The following TM2D3 variants were observed in gnomAD, a reference collection of about 807,000 sequenced individuals.
The protein encoded by TM2D3 is TM2 domain containing 3, also known as TM2 domain-containing protein 3.
In TM2D3, 33 loss-of-function variants were observed where a neutral mutation model predicts 27.3. The ratio of observed to expected loss-of-function variants is 1.21; its 90% CI spans 0.92 to 1.61. The LOEUF (loss-of-function observed/expected upper bound fraction) is 1.61. Ranked by LOEUF, TM2D3 falls within the 40% of genes most tolerant of loss-of-function variation. The pLI is 0.00. For missense variants in TM2D3, 364 were observed against 320.8 expected (o/e 1.13, Z -1.03); for synonymous variants, 138 against 122.2 (o/e 1.13, Z -0.85).
intron 5 of TM2D3, among the ~76,000 whole-genome samples, chr15:101,643,868 G>T (rs955319832): frequency 6.7e-6 from 1 of 150,022 alleles, no homozygotes; most frequent in Non-Finnish European, 1.5e-5. Flanking sequence ...CTTTTTTTTT[G>T]AGACAGAATC....
rs1896977459 is a variant in TM2D3 at position 101,651,748 on chromosome 15, T to C, written c.117A>G (p.Ser39=). ...GGEQSQALAQ[S]IKDPGPTRTF... is the part of the protein sequence containing the mutation. ...TGCGTGTTGGGCCCGGATCCTTTATTGACTGAGCCAGCGCCTGCGATTGCT... is the reference window on the plus strand; with the variant it reads ...TGCGTGTTGGGCCCGGATCCTTTATCGACTGAGCCAGCGCCTGCGATTGCT... Residue 39 remains serine, a synonymous_variant, in exon 2 of 6, where the codon TCA becomes TCG. Transcript: ENST00000333202. 3 of 1,614,188 alleles carry C rather than the reference T, an allele frequency of 1.9e-6. No individual in the cohort carries two copies. The highest frequency in any genetic ancestry group is 2.5e-6 in the Non-Finnish European group (3 of 1,180,018).
downstream of TM2D3, among the ~76,000 whole-genome samples, chr15:101,638,214 C>T (rs950741349): frequency 2.0e-5 from 3 of 152,090 alleles, no homozygotes; most frequent in Non-Finnish European, 4.4e-5. Context: ...CTTTTCACTT[C>T]CCCCAGCAGT....
At chr15:101,644,473 C>A (rs1896752988) in intron 5 of TM2D3, among the ~76,000 whole-genome samples, 1 of 152,180 alleles carries the variant, frequency 6.6e-6, no homozygotes, top group African/African-American at 2.4e-5. Flanking sequence ...AAATCCTGCC[C>A]TATGGCTGCA....
downstream of TM2D3, among the ~76,000 whole-genome samples, chr15:101,640,297 T>C (rs925967602): frequency 5.3e-5 from 8 of 152,246 alleles, 1 homozygote; most frequent in South Asian, 1.0e-3. Context: ...AGTGCCCTTA[T>C]AGAAGAGGCC....
intron 5 of TM2D3, among the ~76,000 whole-genome samples, chr15:101,644,379 T>C (rs1239019764): frequency 1.3e-5 from 2 of 152,212 alleles, no homozygotes; most frequent in African/African-American, 4.8e-5. Context: ...AGGCCAGTGA[T>C]GCTGCTCAAC....
At chr15:101,644,145 C>CTA (rs1324016957) in intron 5 of TM2D3, among the ~76,000 whole-genome samples, 1 of 152,186 alleles carries the variant, frequency 6.6e-6, no homozygotes, top group Non-Finnish European at 1.5e-5. Context: ...CGCGCCCGCC[C>CTA]TATCTTATTT....
At chr15:101,645,368 G>A in intron 4 of TM2D3, 1 of 571,848 alleles carries the variant, frequency 1.7e-6, no homozygotes, top group Non-Finnish European at 3.1e-6. Flanking sequence ...ACAACGTGAG[G>A]AACATGAAAT....
intron 4 of TM2D3, 30 bp from the exon 5 acceptor site, chr15:101,645,192 G>A: frequency 6.5e-7 from 1 of 1,544,518 alleles, no homozygotes; most frequent in Non-Finnish European, 8.8e-7. Flanking sequence ...GAAAAATACA[G>A]GGTATAAAAA....
chr15:101,635,165 T>C (rs1184697259), intron 4 of TM2D3: 1 of 152,140 alleles, frequency 6.6e-6, no homozygotes, highest in Non-Finnish European at 1.5e-5. Flanking sequence ...GTCTCAATAA[T>C]AATAATATAA....
intron 3 of TM2D3, among the ~76,000 whole-genome samples, chr15:101,649,476 A>T (rs1285622482): frequency 6.6e-6 from 1 of 152,152 alleles, no homozygotes; most frequent in Non-Finnish European, 1.5e-5. Flanking sequence ...CATTTTTCAC[A>T]TTACATCTTT....
At chr15:101,638,131 G>A (rs968748000), downstream of TM2D3, among the ~76,000 whole-genome samples, 3 of 152,060 alleles carry the variant, frequency 2.0e-5, no homozygotes, top group African/African-American at 7.2e-5. Context: ...GGTTCAGCAG[G>A]GAACCCCTGA....
downstream of TM2D3, among the ~76,000 whole-genome samples, chr15:101,641,490 G>C (rs917730672): frequency 6.6e-6 from 1 of 152,190 alleles, no homozygotes; most frequent in Admixed American, 6.5e-5. Flanking sequence ...ATATTTTATA[G>C]CTTCTAGATA....
At chr15:101,638,251 C>CT (rs148844821), downstream of TM2D3, among the ~76,000 whole-genome samples, 5,489 of 152,038 alleles carry the variant, frequency 0.036, 339 homozygotes, top group African/African-American at 0.13. Flanking sequence ...AGATACCTCT[C>CT]TTTCTCCGAA....
Position 101,650,121 on chromosome 15 carries a change from G to A in TM2D3, c.210C>T (p.Ser70=). 3 of 1,614,048 alleles carry A rather than the reference G, an allele frequency of 1.9e-6. No individual in the cohort carries two copies. Among genetic ancestry groups the A allele is most frequent in the Non-Finnish European group, 2.5e-6 (3 of 1,179,958 alleles). The change falls in exon 3 of 6, where the codon AGC becomes AGT. Residue 70 remains serine (S), a synonymous_variant. Transcript: ENST00000333202. Reference sequence around the variant, plus strand: ...CAGGAAGCCTGCTACACAAACCATTGCTCGGACACTTCATCACATAAGGTG... The same window carrying A: ...CAGGAAGCCTGCTACACAAACCATTACTCGGACACTTCATCACATAAGGTG... The part of the protein sequence containing the change: ...EIPPYVMKCP[S]NGLCSRLPAD...
downstream of TM2D3, among the ~76,000 whole-genome samples, chr15:101,637,189 A>G (rs909552357): frequency 6.6e-6 from 1 of 152,204 alleles, no homozygotes; most frequent in East Asian, 1.9e-4. Flanking sequence ...TGAAAGTGTT[A>G]TTGTCTAAAG....
chr15:101,650,210 TA>T, intron 2 of TM2D3, 49 bp from the exon 3 acceptor site: 1 of 1,561,422 alleles, frequency 6.4e-7, no homozygotes, highest in South Asian at 1.1e-5. Context: ...CTGATTCGAA[TA>T]ACAGAGAACA....
rs755563830 is a variant in TM2D3, at chr15:101,646,830, C to T, written c.397G>A (p.Glu133Lys). ...MTCRFCWQLP[E>K]TDYECTNSTS... Reference sequence around the variant, plus strand: ...GAGTTGGTACACTCGTAATCTGTTTCAGGAAGCTGCCAGCAAAATCTGCAA... The same window carrying T: ...GAGTTGGTACACTCGTAATCTGTTTTAGGAAGCTGCCAGCAAAATCTGCAA... The change falls in exon 4 of 6, where the codon GAA (glutamate) becomes AAA (lysine). Residue 133 changes from glutamate (E) to lysine (K), a missense_variant. Transcript: ENST00000333202. 6.2e-7 allele frequency: 1 copy of T among 1,614,202 alleles called. No homozygotes were observed. The highest frequency in any genetic ancestry group is 1.1e-5 in the South Asian group (1 of 91,084).
chr15:101,649,026 C>CA (rs1419675869), intron 3 of TM2D3, among the ~76,000 whole-genome samples: 2 of 152,112 alleles, frequency 1.3e-5, no homozygotes, highest in East Asian at 3.9e-4. Context: ...CTCACAAACT[C>CA]AGAGTTAATC....
In TM2D3 at chr15:101,649,521, G is replaced by A. The variant is rs1323733142; in HGVS notation, c.327+483C>T. Among the ~76,000 whole-genome samples the A allele has an allele frequency of 3.9e-5, 6 of 152,258 alleles. No individual in the cohort carries two copies. In the East Asian group the frequency reaches 7.7e-4, roughly 20 times the overall value. ...GGAATTTATTCTGGATAAGACAGGC[G>A]TTCCACTTAATTTTGTTCTAGAGAG... is the stretch of plus-strand genomic sequence containing the variant. On this transcript the variant is annotated intron_variant, in intron 3 of 5. Transcript: ENST00000333202.
Sources: allele counts gnomAD v4.1 joint callset (sites outside exome capture counted in the v4.1 genomes callset), GRCh38; gene constraint gnomAD v4.1.1; transcripts MANE v1.5; gene names NCBI Gene and HGNC (gene_info 2026-07-23, HGNC 2026-07-21).